Variants in SSBP2 observed in about 807,000 individuals in gnomAD.
SSBP2 encodes the protein single stranded DNA binding protein 2, also known as single-stranded DNA-binding protein 2.
In SSBP2, 17 loss-of-function variants were observed where a neutral mutation model predicts 61.8. The observed-to-expected ratio is 0.28, with a 90% CI of 0.19 to 0.41. The LOEUF is 0.41. Among genes scored for constraint, SSBP2 ranks in the 10% least tolerant of loss-of-function variants. The probability of loss-of-function intolerance (pLI) is 1.00; values close to 1 mark genes in which losing one functional copy is unlikely to be tolerated. For missense variants in SSBP2, 310 were observed against 458.7 expected, an observed-to-expected ratio of 0.68 and a Z score of 2.96; for synonymous variants, 139 against 141.3, an observed-to-expected ratio of 0.98 and a Z score of 0.12.
At chr5:81,592,707 C>T (rs7712959) in intron 4 of SSBP2, among the ~76,000 whole-genome samples, 6,366 of 152,226 alleles carry the variant, frequency 0.042, 430 homozygotes, top group African/African-American at 0.14. Context: ...CTGCAGCCAC[C>T]GCTGCTGGTA....
intron 1 of SSBP2, among the ~76,000 whole-genome samples, chr5:81,652,513 T>C (rs141326644): frequency 6.6e-6 from 1 of 152,210 alleles, no homozygotes; most frequent in Non-Finnish European, 1.5e-5. Flanking sequence ...CTCCTACCAT[T>C]AGAATCTGCT....
intron 1 of SSBP2, among the ~76,000 whole-genome samples, chr5:81,658,808 A>C (rs963337050): frequency 6.6e-6 from 1 of 152,198 alleles, no homozygotes; most frequent in Non-Finnish European, 1.5e-5. Context: ...CACATCAAAA[A>C]GCTTATCCAC....
intron 5 of SSBP2, among the ~76,000 whole-genome samples, chr5:81,500,585 C>T (rs528095783): frequency 2.6e-4 from 40 of 152,142 alleles, no homozygotes; most frequent in African/African-American, 9.2e-4. Context: ...CTCAGTCTCC[C>T]GAGTAGCTGG....
At chr5:81,463,560 C>T (rs924805630) in intron 9 of SSBP2, among the ~76,000 whole-genome samples, 7 of 151,892 alleles carry the variant, frequency 4.6e-5, no homozygotes, top group Non-Finnish European at 7.4e-5. Flanking sequence ...ATTAGCCGGG[C>T]GTGGTGGCGC....
At chr5:81,749,267 AAT>A (rs1757555841) in intron 1 of SSBP2, among the ~76,000 whole-genome samples, 1 of 152,192 alleles carries the variant, frequency 6.6e-6, no homozygotes, top group Non-Finnish European at 1.5e-5. Context: ...CAGCTCAGAA[AAT>A]ATCTCTTGCA....
intron 4 of SSBP2, 183 bp downstream of exon 4, chr5:81,615,290 C>A (rs1581172102): frequency 1.7e-6 from 1 of 600,182 alleles, no homozygotes; most frequent in East Asian, 2.9e-5. Flanking sequence ...TAAGCTTTAA[C>A]AAGACTCAAA....
chr5:81,650,244 T>A (rs778089161), intron 2 of SSBP2, 23 bp downstream of exon 2: 10 of 1,490,410 alleles, frequency 6.7e-6, no homozygotes, highest in Non-Finnish European at 9.1e-6. Context: ...CAAAATGCAA[T>A]ACAGAAAATA....
chr5:81,565,763 T>G (rs1465079567), intron 4 of SSBP2, among the ~76,000 whole-genome samples: 3 of 152,162 alleles, frequency 2.0e-5, no homozygotes, highest in African/African-American at 7.2e-5. Flanking sequence ...AAACGGTAAG[T>G]GAAAGAAATA....
At chr5:81,462,588 A>G (rs1405047605) in intron 9 of SSBP2, among the ~76,000 whole-genome samples, 1 of 152,210 alleles carries the variant, frequency 6.6e-6, no homozygotes, top group Non-Finnish European at 1.5e-5. Context: ...TTGCCTCTCC[A>G]AGATGATGAT....
At chr5:81,482,694 C>A (rs1158997234) in intron 6 of SSBP2, among the ~76,000 whole-genome samples, 1 of 152,188 alleles carries the variant, frequency 6.6e-6, no homozygotes, top group Non-Finnish European at 1.5e-5. Flanking sequence ...CTGGTCTGAT[C>A]TTCTGTCCAG....
intron 2 of SSBP2, among the ~76,000 whole-genome samples, chr5:81,640,271 C>T (rs912517168): frequency 3.3e-5 from 5 of 151,956 alleles, no homozygotes; most frequent in Admixed American, 6.6e-5. Flanking sequence ...ACCCAGGAGG[C>T]GGAGATTGCA....
intron 15 of SSBP2, among the ~76,000 whole-genome samples, chr5:81,431,908 GTTA>G (rs1220029129): frequency 6.6e-6 from 1 of 152,074 alleles, no homozygotes. Flanking sequence ...TAATTAGTAA[GTTA>G]TTATCCCTTC....
chr5:81,643,438 AG>A (rs1014591222), intron 2 of SSBP2, among the ~76,000 whole-genome samples: 12 of 152,148 alleles, frequency 7.9e-5, no homozygotes, highest in African/African-American at 2.4e-4. Context: ...CCTATGTGTA[AG>A]TTTCTTTCTA....
intron 16 of SSBP2, among the ~76,000 whole-genome samples, chr5:81,420,828 G>A (rs563660246): frequency 6.6e-6 from 1 of 152,082 alleles, no homozygotes; most frequent in Non-Finnish European, 1.5e-5. Context: ...ACAGATTTAT[G>A]TTTTGCAGGC....
intron 1 of SSBP2, among the ~76,000 whole-genome samples, chr5:81,750,525 G>A (rs1354870605): frequency 7.7e-5 from 6 of 77,548 alleles, no homozygotes; most frequent in Non-Finnish European, 1.6e-4. Context: ...TGCCCGCCCC[G>A]ACCCCGGCCC....
At chr5:81,750,010 T>C (rs1757618199) in intron 1 of SSBP2, among the ~76,000 whole-genome samples, 1 of 146,548 alleles carries the variant, frequency 6.8e-6, no homozygotes, top group African/African-American at 2.5e-5. Context: ...ACAACTCCCC[T>C]CCGCGCGCCC....
At chr5:81,550,489 A>G (rs1164117934) in intron 4 of SSBP2, among the ~76,000 whole-genome samples, 1 of 152,228 alleles carries the variant, frequency 6.6e-6, no homozygotes, top group African/African-American at 2.4e-5. Flanking sequence ...AATGAAAAGT[A>G]ATCATTTAAA....
At chr5:81,444,028 G>A (rs561137874) in intron 12 of SSBP2, among the ~76,000 whole-genome samples, 5 of 152,254 alleles carry the variant, frequency 3.3e-5, no homozygotes, top group African/African-American at 9.6e-5. Context: ...ATTTTAGTGT[G>A]TATTACTTAC....
intron 4 of SSBP2, among the ~76,000 whole-genome samples, chr5:81,539,643 C>A (rs1771092032): frequency 6.6e-6 from 1 of 152,182 alleles, no homozygotes; most frequent in Non-Finnish European, 1.5e-5. Context: ...TCAGCAACCA[C>A]CACTCTGATC....
Sources: gnomAD v4.1 joint callset for allele counts (sites outside exome capture counted in the v4.1 genomes callset) on GRCh38, gnomAD v4.1.1 for gene constraint, MANE v1.5 for transcripts, NCBI Gene and HGNC (gene_info 2026-07-23, HGNC 2026-07-21) for gene names.